Variants in DYNC1I1 observed in about 807,000 individuals in gnomAD.
DYNC1I1 encodes dynein cytoplasmic 1 intermediate chain 1, also known as cytoplasmic dynein 1 intermediate chain 1.
Under a neutral mutation model 86.6 loss-of-function variants are expected in DYNC1I1, and 43 were observed. That is an observed-to-expected ratio of 0.50 (90% CI 0.39 to 0.64). DYNC1I1 has a LOEUF of 0.64. Ranked by LOEUF, DYNC1I1 falls within the 30% of genes least tolerant of loss-of-function variation. The pLI, the probability that DYNC1I1 is intolerant of heterozygous loss-of-function variation, is 0.00. For synonymous variants in DYNC1I1, 262 were observed against 283.7 expected (o/e 0.92, Z 0.77); for missense variants, 604 against 788.8 (o/e 0.77, Z 2.81).
intron 8 of DYNC1I1, among the ~76,000 whole-genome samples, chr7:95,985,364 G>A (rs1319150241): frequency 6.6e-6 from 1 of 152,142 alleles, no homozygotes; most frequent in Non-Finnish European, 1.5e-5. Context: ...TGAGGTGTGG[G>A]AGAAGTTAAC....
chr7:95,917,006 A>G (rs1239609966), intron 6 of DYNC1I1, among the ~76,000 whole-genome samples: 1 of 152,090 alleles, frequency 6.6e-6, no homozygotes, highest in Non-Finnish European at 1.5e-5. Context: ...CACAGTAAGG[A>G]TGAGTATGGT....
chr7:95,848,899 G>T (rs917733615), intron 5 of DYNC1I1, among the ~76,000 whole-genome samples: 1 of 151,970 alleles, frequency 6.6e-6, no homozygotes, highest in Non-Finnish European at 1.5e-5. Flanking sequence ...GCTGTCTTTT[G>T]TCCTTCTGAT....
At chr7:95,954,788 C>T (rs1193170932) in intron 6 of DYNC1I1, among the ~76,000 whole-genome samples, 6 of 151,578 alleles carry the variant, frequency 4.0e-5, no homozygotes, top group African/African-American at 7.3e-5. Context: ...TGGTGGCGGG[C>T]GCCTGTAGTC....
intron 10 of DYNC1I1, among the ~76,000 whole-genome samples, chr7:96,016,131 A>C (rs1046829673): frequency 2.6e-5 from 4 of 152,108 alleles, no homozygotes; most frequent in Non-Finnish European, 4.4e-5. Flanking sequence ...CAAGGTTTAT[A>C]TTCACCACAT....
chr7:95,926,855 G>A (rs1174991373), intron 6 of DYNC1I1, among the ~76,000 whole-genome samples: 1 of 152,030 alleles, frequency 6.6e-6, no homozygotes. Context: ...TTTTCAACAT[G>A]GACAGCACTT....
chr7:95,992,126 C>G (rs1793745777), intron 9 of DYNC1I1, among the ~76,000 whole-genome samples: 1 of 152,110 alleles, frequency 6.6e-6, no homozygotes, highest in African/African-American at 2.4e-5. Flanking sequence ...TCCCAAAGTG[C>G]TGGGATTACA....
chr7:95,853,987 A>G (rs967819718), intron 5 of DYNC1I1, among the ~76,000 whole-genome samples: 2 of 152,066 alleles, frequency 1.3e-5, no homozygotes, highest in African/African-American at 2.4e-5. Flanking sequence ...CTTTTGGTTT[A>G]TATTTGCATG....
At chr7:95,996,963 T>C (rs916149354) in intron 10 of DYNC1I1, among the ~76,000 whole-genome samples, 1 of 152,198 alleles carries the variant, frequency 6.6e-6, no homozygotes, top group Non-Finnish European at 1.5e-5. Flanking sequence ...TTAGTGCCAT[T>C]TTCTATCTAA....
intron 1 of DYNC1I1, chr7:95,804,386 A>T: frequency 1.2e-5 from 15 of 1,273,378 alleles, no homozygotes; most frequent in Non-Finnish European, 1.5e-5. Context: ...TTCTTTTTTG[A>T]TTCTCTTATT....
chr7:95,898,403 A>T (rs1233196878), intron 6 of DYNC1I1, among the ~76,000 whole-genome samples: 2 of 152,186 alleles, frequency 1.3e-5, no homozygotes, highest in African/African-American at 4.8e-5. Flanking sequence ...ATGACTAAAA[A>T]TGTTTAATTT....
At chr7:95,792,505 G>A (rs150816797) in intron 1 of DYNC1I1, among the ~76,000 whole-genome samples, 177 of 152,210 alleles carry the variant, frequency 1.2e-3, no homozygotes, top group African/African-American at 4.1e-3. Flanking sequence ...GCTTCCCCTA[G>A]TTGCTACTCT....
In DYNC1I1 at chr7:95,877,169, A is replaced by G. The variant is rs1211782143; in HGVS notation, c.490+7171A>G. Among the ~76,000 whole-genome samples the G allele has an allele frequency of 2.0e-5, 3 of 152,120 alleles. No individual in the cohort carries two copies. The East Asian group carries it at 5.8e-4, about 29-fold the overall frequency. On this transcript the variant is annotated intron_variant, in intron 6 of 16. Coordinates refer to ENST00000447467, the MANE Select transcript of DYNC1I1 (RefSeq NM_001135556.2). ...TTCCTGGAAGAGGCAAGACATTAGC[A>G]TTTCTCATACTGCCCCAGCTACTTG...
At chr7:96,083,186 A>G (rs905823538) in intron 16 of DYNC1I1, among the ~76,000 whole-genome samples, 6 of 152,194 alleles carry the variant, frequency 3.9e-5, no homozygotes, top group Non-Finnish European at 7.3e-5. Flanking sequence ...AAGCTTATAC[A>G]CTTGAAGAGT....
At chr7:95,913,368 C>T (rs571799957) in intron 6 of DYNC1I1, among the ~76,000 whole-genome samples, 1 of 152,196 alleles carries the variant, frequency 6.6e-6, no homozygotes, top group South Asian at 2.1e-4. Context: ...TATGGTTTGG[C>T]TGTGTCCCCA....
At chr7:96,030,727 ACCATTTTCAG>A (rs532584266) in intron 11 of DYNC1I1, among the ~76,000 whole-genome samples, 66 of 152,190 alleles carry the variant, frequency 4.3e-4, no homozygotes, top group African/African-American at 1.5e-3. Flanking sequence ...CTAAGTCTAT[ACCATTTTCAG>A]GTGAAAATTT....
intron 6 of DYNC1I1, among the ~76,000 whole-genome samples, chr7:95,878,206 G>A (rs1236133735): frequency 6.6e-6 from 1 of 152,154 alleles, no homozygotes; most frequent in Non-Finnish European, 1.5e-5. Context: ...AGGCAGGGAA[G>A]CAGGCAACAG....
At chr7:95,836,968 C>T (rs1219731665) in intron 5 of DYNC1I1, among the ~76,000 whole-genome samples, 6 of 152,260 alleles carry the variant, frequency 3.9e-5, no homozygotes, top group East Asian at 1.9e-4. Flanking sequence ...TCTCTCAGCT[C>T]GTCAAGGTCG....
intron 5 of DYNC1I1, among the ~76,000 whole-genome samples, chr7:95,832,952 G>C (rs1438160696): frequency 6.6e-6 from 1 of 151,734 alleles, no homozygotes; most frequent in Non-Finnish European, 1.5e-5. Context: ...TTATTTTGCT[G>C]TGCAGAAGCT....
At chr7:95,806,461 G>A (rs1270864478) in intron 2 of DYNC1I1, among the ~76,000 whole-genome samples, 1 of 152,182 alleles carries the variant, frequency 6.6e-6, no homozygotes, top group South Asian at 2.1e-4. Context: ...TGGTTTCAAA[G>A]CAAGAAGAGC....
Sources: gnomAD v4.1 joint callset for allele counts (sites outside exome capture counted in the v4.1 genomes callset) on GRCh38, gnomAD v4.1.1 for gene constraint, MANE v1.5 for transcripts, NCBI Gene and HGNC (gene_info 2026-07-23, HGNC 2026-07-21) for gene names.